TMEM132B: variants seen among roughly 807,000 people sequenced by gnomAD.
TMEM132B encodes the protein transmembrane protein 132B.
A neutral mutation model predicts 90.8 loss-of-function variants in TMEM132B; 18 were observed. The observed-to-expected ratio is 0.20, with a 90% CI of 0.14 to 0.29. The LOEUF (loss-of-function observed/expected upper bound fraction) is 0.29, where lower values mean the gene tolerates loss of function less well. Among genes scored for constraint, TMEM132B ranks in the 10% least tolerant of loss-of-function variants. The pLI is 1.00. For missense variants in TMEM132B, 1,096 were observed against 1,326.8 expected (o/e 0.83, Z 2.70); for synonymous variants, 504 against 523.3 (o/e 0.96, Z 0.50).
In TMEM132B at chr12:125,408,130, C is replaced by T. The variant is rs142941476; in HGVS notation, c.960-7401C>T. ...TCCACGAACGGAATTGCACAGTGCG[C>T]GCTTTTGGTACCTGGCTTCTTCCAC... On this transcript the variant is annotated intron_variant, in intron 2 of 8. Coordinates refer to ENST00000682704, the MANE Select transcript of TMEM132B (RefSeq NM_001366854.1). The surrounding 1 kb of genome is among the most constrained non-coding windows in gnomAD (Gnocchi z 5.9). Among the ~76,000 whole-genome samples the T allele has an allele frequency of 4.5e-4, 69 of 152,272 alleles. No homozygotes were observed. Among genetic ancestry groups the T allele is most frequent in the Middle Eastern group, 3.4e-3 (1 of 294 alleles).
intron 4 of TMEM132B, among the ~76,000 whole-genome samples, chr12:125,563,598 C>CAAACAAACAAACAAAAA (rs774597550): frequency 2.0e-5 from 3 of 150,180 alleles, no homozygotes; most frequent in African/African-American, 7.4e-5. Context: ...AACAAACAAA[C>CAAACAAACAAACAAAAA]AAAAAAAAAC....
At chr12:125,374,014 C>T (rs1049589233) in intron 2 of TMEM132B, among the ~76,000 whole-genome samples, 3 of 152,186 alleles carry the variant, frequency 2.0e-5, no homozygotes, top group South Asian at 2.1e-4. Flanking sequence ...AGACTGGTCT[C>T]GAACTCCTGG....
At chr12:125,392,205 T>C (rs1879045222) in intron 2 of TMEM132B, among the ~76,000 whole-genome samples, 1 of 152,212 alleles carries the variant, frequency 6.6e-6, no homozygotes, top group Non-Finnish European at 1.5e-5. Flanking sequence ...TTCCTCTCCA[T>C]CCCTGGGTTG....
At chr12:125,330,416 C>T (rs1163920010) in intron 1 of TMEM132B, among the ~76,000 whole-genome samples, 1 of 142,302 alleles carries the variant, frequency 7.0e-6, no homozygotes, top group Non-Finnish European at 1.5e-5. Flanking sequence ...ATAAAAACTT[C>T]TATTGCTCAA....
At chr12:125,188,741 G>A (rs1433752094) in intron 1 of TMEM132B, among the ~76,000 whole-genome samples, 1 of 150,310 alleles carries the variant, frequency 6.7e-6, no homozygotes, top group Non-Finnish European at 1.5e-5. Flanking sequence ...AGCCCCCAGT[G>A]CCATCGCCCC....
chr12:125,424,099 T>C (rs1880247298), intron 3 of TMEM132B, among the ~76,000 whole-genome samples: 1 of 152,260 alleles, frequency 6.6e-6, no homozygotes, highest in African/African-American at 2.4e-5. Flanking sequence ...TCATTCCCCA[T>C]ATTTCATTTT....
At chr12:125,324,782 G>A (rs1442516971) in intron 1 of TMEM132B, among the ~76,000 whole-genome samples, 1 of 152,170 alleles carries the variant, frequency 6.6e-6, no homozygotes. Context: ...TGCCAAAAAG[G>A]TTGGGGACCA....
chr12:125,468,122 A>G (rs772739363), intron 3 of TMEM132B, among the ~76,000 whole-genome samples: 1 of 152,118 alleles, frequency 6.6e-6, no homozygotes, highest in Admixed American at 6.5e-5. Flanking sequence ...TTGCATATGT[A>G]TCTAGGAGTA....
chr12:125,630,593 A>T (rs1193552595), intron 5 of TMEM132B, among the ~76,000 whole-genome samples: 1 of 152,018 alleles, frequency 6.6e-6, no homozygotes, highest in African/African-American at 2.4e-5. Context: ...AACCAATTTT[A>T]GAAAAATTTT....
At chr12:125,291,869 C>T (rs190383433) in intron 1 of TMEM132B, among the ~76,000 whole-genome samples, 24 of 152,256 alleles carry the variant, frequency 1.6e-4, no homozygotes, top group East Asian at 1.2e-3. Context: ...CCATCAGCAC[C>T]GTCTATCTCT....
At chr12:125,388,937 G>A (rs1878925598) in intron 2 of TMEM132B, among the ~76,000 whole-genome samples, 1 of 151,864 alleles carries the variant, frequency 6.6e-6, no homozygotes, top group Admixed American at 6.6e-5. Flanking sequence ...CACAGGAATT[G>A]AGGAAGGAAA....
intron 5 of TMEM132B, among the ~76,000 whole-genome samples, chr12:125,631,408 A>G (rs1181801344): frequency 6.6e-6 from 1 of 152,142 alleles, no homozygotes; most frequent in Non-Finnish European, 1.5e-5. Flanking sequence ...GTGACCTAAC[A>G]TATTGTCTGT....
At chr12:125,475,959 G>GT (rs1039234219) in intron 3 of TMEM132B, among the ~76,000 whole-genome samples, 11 of 151,692 alleles carry the variant, frequency 7.3e-5, no homozygotes, top group Admixed American at 2.0e-4. Context: ...ATTTAGCTTT[G>GT]TTTTTTTTAC....
chr12:125,647,617 G>A (rs1886799093), intron 6 of TMEM132B, among the ~76,000 whole-genome samples: 1 of 152,142 alleles, frequency 6.6e-6, no homozygotes, highest in Non-Finnish European at 1.5e-5. Flanking sequence ...AATGAAACGA[G>A]AATAAAGACA....
intron 5 of TMEM132B, among the ~76,000 whole-genome samples, chr12:125,628,030 A>G (rs1410640127): frequency 6.6e-6 from 1 of 152,178 alleles, no homozygotes; most frequent in African/African-American, 2.4e-5. Context: ...TCCATTGGGT[A>G]TATGTACCAC....
At chr12:125,255,552 T>A (rs973951488) in intron 1 of TMEM132B, among the ~76,000 whole-genome samples, 1 of 152,194 alleles carries the variant, frequency 6.6e-6, no homozygotes, top group Non-Finnish European at 1.5e-5. Context: ...TCCCTTGGGT[T>A]CAGCTCCACC....
rs1452954701 is a variant in TMEM132B at position 125,532,034 on chromosome 12, A to G, written c.1293+12409A>G. ...GGATTTAGCTGTTATGCCGTTTCCT[A>G]ACTTACATTAAAAACATAACAATAT... On this transcript the variant is annotated intron_variant, in intron 4 of 8. Transcript: ENST00000682704. Among the ~76,000 whole-genome samples the G allele has an allele frequency of 1.3e-5, 2 of 152,228 alleles. 1 individual carries two copies. The highest frequency in any genetic ancestry group is 3.8e-4 in the East Asian group (2 of 5,202).
intron 4 of TMEM132B, among the ~76,000 whole-genome samples, chr12:125,529,437 G>A (rs2136691325): frequency 6.6e-6 from 1 of 152,198 alleles, no homozygotes. Context: ...TATTTTCTTT[G>A]AATGATTCTG....
intron 1 of TMEM132B, among the ~76,000 whole-genome samples, chr12:125,275,503 G>A (rs1469779360): frequency 1.3e-5 from 2 of 152,168 alleles, no homozygotes; most frequent in Non-Finnish European, 2.9e-5. Context: ...AGAGTGATCT[G>A]ATGTGGCTTT....
Sources: allele counts gnomAD v4.1 joint callset (sites outside exome capture counted in the v4.1 genomes callset), GRCh38; gene constraint gnomAD v4.1.1; non-coding constraint Gnocchi (gnomAD v3.1); transcripts MANE v1.5; gene names NCBI Gene and HGNC (gene_info 2026-07-23, HGNC 2026-07-21).